Variants in PPP2R3A observed in about 807,000 individuals in gnomAD.
PPP2R3A encodes the protein serine/threonine-protein phosphatase 2A regulatory subunit B'' subunit alpha.
In PPP2R3A, 80 loss-of-function variants were observed where a neutral mutation model predicts 106.9. The observed-to-expected ratio is 0.75, with a 90% CI of 0.62 to 0.90. The LOEUF (loss-of-function observed/expected upper bound fraction) is 0.90. PPP2R3A is among the 40% of genes least tolerant of loss of function. PPP2R3A has a pLI of 0.00. For missense variants in PPP2R3A, 1,386 were observed against 1,350.4 expected (o/e 1.03, Z -0.41); for synonymous variants, 483 against 468.3 (o/e 1.03, Z -0.41).
intron 6 of PPP2R3A, among the ~76,000 whole-genome samples, chr3:136,076,172 T>C (rs1936587297): frequency 6.6e-6 from 1 of 152,236 alleles, no homozygotes; most frequent in African/African-American, 2.4e-5. Flanking sequence ...ATAGGGCTAA[T>C]TTTAGGAAAG....
intron 2 of PPP2R3A, chr3:136,022,615 T>G: frequency 3.9e-6 from 1 of 256,454 alleles, no homozygotes; most frequent in Non-Finnish European, 6.1e-6. Context: ...AGAAACTGCT[T>G]TATGTGGATT....
chr3:135,988,898 G>A (rs1389419267), intron 1 of PPP2R3A, among the ~76,000 whole-genome samples: 1 of 152,072 alleles, frequency 6.6e-6, no homozygotes, highest in Non-Finnish European at 1.5e-5. Flanking sequence ...GAATCATTTT[G>A]GGAGGCACCT....
chr3:135,987,093 C>T (rs374778361), intron 1 of PPP2R3A, among the ~76,000 whole-genome samples: 2 of 152,082 alleles, frequency 1.3e-5, no homozygotes, highest in African/African-American at 4.8e-5. Context: ...CAGAGTTGAT[C>T]GTTCACTTTA....
In PPP2R3A at chr3:135,977,688, C is replaced by CTTTTT. The variant is rs66592538; in HGVS notation, c.-441+11863_-441+11867dup. Among the ~76,000 whole-genome samples the CTTTTT allele has an allele frequency of 5.9e-4, 36 of 61,124 alleles. 3 individuals carry two copies. The highest frequency in any genetic ancestry group is 1.2e-3 in the African/African-American group (17 of 14,296). 40.1% of individuals were successfully genotyped at this position (61,124 alleles called of 152,430 possible). A position where few individuals can be genotyped will look rare whatever the true frequency, so the allele number is the denominator to read the frequency against. ...AAGTTGCATTCATCTGATCAGCATT[C>CTTTTT]TTTTTTTTTTTTTTTTTTTTTTTTT... On this transcript the variant is annotated intron_variant, in intron 1 of 13. Coordinates refer to ENST00000264977, the MANE Select transcript of PPP2R3A (RefSeq NM_002718.5).
intron 2 of PPP2R3A, among the ~76,000 whole-genome samples, chr3:136,025,164 C>T (rs1934604198): frequency 6.6e-6 from 1 of 152,074 alleles, no homozygotes; most frequent in South Asian, 2.1e-4. Context: ...AACCTTTTAC[C>T]TATATTACAT....
chr3:136,123,510 A>T (rs1258756844), intron 13 of PPP2R3A, among the ~76,000 whole-genome samples: 2 of 152,200 alleles, frequency 1.3e-5, no homozygotes, highest in Non-Finnish European at 2.9e-5. Flanking sequence ...CAAAAAAGTG[A>T]CAAAATTCTG....
At chr3:136,072,402 G>A (rs1057400654) in intron 6 of PPP2R3A, among the ~76,000 whole-genome samples, 2 of 152,174 alleles carry the variant, frequency 1.3e-5, no homozygotes, top group Admixed American at 6.5e-5. Context: ...GACCAGCTTG[G>A]CCAACATGGT....
At chr3:136,144,125 A>G (rs1192748557) in intron 13 of PPP2R3A, among the ~76,000 whole-genome samples, 1 of 152,220 alleles carries the variant, frequency 6.6e-6, no homozygotes, top group Non-Finnish European at 1.5e-5. Context: ...GCCTAAAGCC[A>G]ACCTTAGGGG....
At chr3:136,022,064 A>G (rs999492528) in intron 2 of PPP2R3A, among the ~76,000 whole-genome samples, 1 of 152,132 alleles carries the variant, frequency 6.6e-6, no homozygotes, top group African/African-American at 2.4e-5. Context: ...ACAAATAACT[A>G]TATGAGGCAG....
intron 1 of PPP2R3A, among the ~76,000 whole-genome samples, chr3:135,995,447 AT>A (rs60359404): frequency 2.7e-3 from 240 of 87,316 alleles, no homozygotes; most frequent in East Asian, 0.027. Context: ...ACGTTGACAG[AT>A]TTTTTTTTTT....
rs757166627 is a variant in PPP2R3A, at chr3:136,002,789, C to G, written c.1291C>G (p.Gln431Glu). The G allele has an allele frequency of 2.0e-5, 32 of 1,613,286 alleles. No individual in the cohort carries two copies. Among genetic ancestry groups the G allele is most frequent in the Middle Eastern group, 1.6e-4 (1 of 6,084 alleles). The change falls in exon 2 of 14, where the codon CAA becomes GAA. Residue 431 changes from glutamine (Q) to glutamate (E), a missense_variant. Gln to Glu is a conservative substitution (Grantham distance 29, BLOSUM62 2). Coordinates refer to ENST00000264977, the MANE Select transcript of PPP2R3A (RefSeq NM_002718.5). ...TGGAAAGAAAGCATTAGATAAAGGA[C>G]AAAAGACAGAGAATGGACCTAGTCA... is the stretch of plus-strand genomic sequence containing the variant. ...SDGKKALDKGQKTENGPSHEL... is the reference protein window; with the variant it reads ...SDGKKALDKGEKTENGPSHEL...
At chr3:136,103,212 A>C (rs767317110) in intron 11 of PPP2R3A, 46 bp from the exon 12 acceptor site, 1 of 1,368,076 alleles carries the variant, frequency 7.3e-7, no homozygotes, top group South Asian at 1.3e-5. Context: ...CCTCTTGCCA[A>C]AACAGCTCTT....
At chr3:136,106,590 T>C (rs1296153543) in intron 13 of PPP2R3A, 2 of 429,388 alleles carry the variant, frequency 4.7e-6, no homozygotes, top group Non-Finnish European at 4.2e-6. Flanking sequence ...GTTTTAGTGA[T>C]ATTGATAAAC....
At position 136,041,257 on chromosome 3, in the gene PPP2R3A, T is replaced by TG. The variant is rs1277037226; in HGVS notation, c.2366+295_2366+296insG. On this transcript the variant is annotated intron_variant, in intron 4 of 13. Transcript: ENST00000264977. ...TTTCTTGTTTTTTTTTTTGTTTTTT[T>TG]TTTTGTTTTTTTTTTTTTGAGACAG... Among the ~76,000 whole-genome samples the TG allele has an allele frequency of 1.6e-4, 20 of 121,908 alleles. 1 individual carries two copies. The highest frequency in any genetic ancestry group is 3.6e-4 in the African/African-American group (11 of 30,296). 80.0% of individuals were successfully genotyped at this position (121,908 alleles called of 152,430 possible). A position where few individuals can be genotyped will look rare whatever the true frequency, so the allele number is the denominator to read the frequency against.
chr3:136,016,138 T>C (rs1007759346), intron 2 of PPP2R3A, among the ~76,000 whole-genome samples: 11 of 152,156 alleles, frequency 7.2e-5, no homozygotes, highest in Non-Finnish European at 1.6e-4. Context: ...GAGGGTTCCT[T>C]TTGGAGTCGA....
At position 136,136,134 on chromosome 3, in the gene PPP2R3A, C is replaced by T. The variant is rs536302367; in HGVS notation, c.3330-8909C>T. On this transcript the variant is annotated intron_variant, in intron 13 of 13. Coordinates refer to ENST00000264977, the MANE Select transcript of PPP2R3A (RefSeq NM_002718.5). ...TAAGAGCATGAAATTTGAAGTTAGA[C>T]GAACCTAACTTCAAATCCTTGCTTT... Among the ~76,000 whole-genome samples, 19 of 143,784 alleles carry T rather than the reference C, an allele frequency of 1.3e-4. 2 individuals are homozygous for T. In the South Asian group the frequency reaches 3.7e-3, roughly 28 times the overall value. The allele number at this position is 143,784 out of a possible 152,430, so 94.3% of individuals were successfully genotyped here.
At chr3:136,110,321 A>G (rs1342201244) in intron 13 of PPP2R3A, among the ~76,000 whole-genome samples, 1 of 152,208 alleles carries the variant, frequency 6.6e-6, no homozygotes, top group Admixed American at 6.5e-5. Flanking sequence ...GAGCATATTT[A>G]CTATTTTCAA....
intron 13 of PPP2R3A, among the ~76,000 whole-genome samples, chr3:136,136,064 AAAAAAAAAATTATATATAT>A (rs761481245): frequency 0.41 from 38,711 of 94,266 alleles, 8,316 homozygotes; most frequent in East Asian, 0.68. Flanking sequence ...AAAAAAAAAA[AAAAAAAAAATTATATATAT>A]ATATATATAT....
intron 10 of PPP2R3A, among the ~76,000 whole-genome samples, chr3:136,093,551 C>A (rs1937147076): frequency 6.6e-6 from 1 of 152,222 alleles, no homozygotes; most frequent in African/African-American, 2.4e-5. Flanking sequence ...ACAACACTTA[C>A]AACTCAATAA....
Sources: gnomAD v4.1 joint callset for allele counts (sites outside exome capture counted in the v4.1 genomes callset) on GRCh38, gnomAD v4.1.1 for gene constraint, MANE v1.5 for transcripts, NCBI Gene and HGNC (gene_info 2026-07-23, HGNC 2026-07-21) for gene names.